ZNF385D: variants seen among roughly 807,000 people sequenced by gnomAD.
ZNF385D encodes zinc finger protein 385D, also known as zinc finger protein 659.
In ZNF385D, 15 loss-of-function variants were observed where a neutral mutation model predicts 35.8. The ratio of observed to expected loss-of-function variants is 0.42; its 90% CI spans 0.28 to 0.64. The LOEUF (loss-of-function observed/expected upper bound fraction) is 0.64, where lower values mean the gene tolerates loss of function less well. Ranked by LOEUF, ZNF385D falls within the 30% of genes least tolerant of loss-of-function variation. The pLI, the probability that ZNF385D is intolerant of heterozygous loss-of-function variation, is 0.23. For missense variants in ZNF385D, 474 were observed against 494.6 expected (o/e 0.96, Z 0.39); for synonymous variants, 212 against 186.8 (o/e 1.13, Z -1.10).
chr3:21,427,901 G>A (rs1251991463), intron 5 of ZNF385D, among the ~76,000 whole-genome samples: 3 of 150,736 alleles, frequency 2.0e-5, no homozygotes, highest in East Asian at 1.9e-4. Flanking sequence ...CACACACACA[G>A]GTATACATAT....
In ZNF385D at chr3:22,371,221, A is replaced by G. The variant is rs537690785; in HGVS notation, c.106+1229T>C. On this transcript the variant is annotated intron_variant, in intron 2 of 5. Transcript: ENST00000494108. ...GGCACGACAACCCAGAGGGAGGAAG[A>G]CCTTTCCAGTAGGTTTTAGAAAACA... Among the ~76,000 whole-genome samples, 74 of 152,176 alleles carry G rather than the reference A, an allele frequency of 4.9e-4. 1 individual carries two copies. Among genetic ancestry groups the G allele is most frequent in the Non-Finnish European group, 9.1e-4 (62 of 68,034 alleles).
chr3:22,194,567 A>C (rs1696278126), intron 2 of ZNF385D, among the ~76,000 whole-genome samples: 1 of 151,916 alleles, frequency 6.6e-6, no homozygotes, highest in African/African-American at 2.4e-5. Flanking sequence ...AAATTCCATA[A>C]ATTTTAACAT....
chr3:22,210,063 C>T (rs1697420047), intron 2 of ZNF385D, among the ~76,000 whole-genome samples: 1 of 151,172 alleles, frequency 6.6e-6, no homozygotes, highest in Admixed American at 6.6e-5. Flanking sequence ...ATAAAAGAAA[C>T]CTATAGGAAA....
chr3:22,284,131 A>C (rs1701905022), intron 2 of ZNF385D, among the ~76,000 whole-genome samples: 1 of 152,136 alleles, frequency 6.6e-6, no homozygotes, highest in Non-Finnish European at 1.5e-5. Flanking sequence ...ACCAATAAAA[A>C]GGAATCAATC....
intron 3 of ZNF385D, among the ~76,000 whole-genome samples, chr3:22,128,213 C>T (rs921521719): frequency 3.3e-5 from 5 of 152,206 alleles, no homozygotes; most frequent in Admixed American, 2.0e-4. Flanking sequence ...GCCACTCCCT[C>T]CTAACCTGTA....
In ZNF385D at chr3:21,901,917, T is replaced by C. The variant is rs113987788; in HGVS notation, c.326-236889A>G. On this transcript the variant is annotated intron_variant, in intron 3 of 5. Coordinates refer to the ZNF385D transcript ENST00000494108. ...AGAGCGTTCAGTCTAGTATTAAAAC[T>C]ACCATGTTTAGTTCCCTTGTTTCCT... is the stretch of plus-strand genomic sequence containing the variant. 5.3e-5 allele frequency among the ~76,000 whole-genome samples: 8 copies of C among 152,260 alleles called. 1 individual carries two copies. Among genetic ancestry groups the C allele is most frequent in the African/African-American group, 1.4e-4 (6 of 41,568 alleles).
intron 3 of ZNF385D, among the ~76,000 whole-genome samples, chr3:22,060,762 G>C (rs1699648126): frequency 6.6e-6 from 1 of 151,980 alleles, no homozygotes; most frequent in African/African-American, 2.4e-5. Context: ...TAGAAAATAA[G>C]AAAGTCTAAT....
chr3:21,582,274 A>AT (rs1355239730), intron 2 of ZNF385D, among the ~76,000 whole-genome samples: 1 of 152,212 alleles, frequency 6.6e-6, no homozygotes, highest in Non-Finnish European at 1.5e-5. Context: ...GGTGGTTGGC[A>AT]TATCACAAGG....
At chr3:21,916,514 T>C (rs185075739) in intron 3 of ZNF385D, among the ~76,000 whole-genome samples, 5 of 152,298 alleles carry the variant, frequency 3.3e-5, no homozygotes, top group Admixed American at 6.5e-5. Flanking sequence ...CATATTTCTA[T>C]ACCCCAAAGT....
chr3:22,345,707 A>T (rs752960868), intron 2 of ZNF385D, among the ~76,000 whole-genome samples: 2 of 152,202 alleles, frequency 1.3e-5, no homozygotes, highest in Non-Finnish European at 2.9e-5. Context: ...TCAGAACTAC[A>T]TGACTTCATC....
chr3:22,138,608 A>G (rs1295871336), intron 3 of ZNF385D, among the ~76,000 whole-genome samples: 11 of 151,646 alleles, frequency 7.3e-5, no homozygotes, highest in Admixed American at 3.3e-4. Flanking sequence ...AAAACTGGCT[A>G]GCTATATGTA....
intron 4 of ZNF385D, among the ~76,000 whole-genome samples, chr3:21,478,017 T>C (rs1704359945): frequency 6.6e-6 from 1 of 152,144 alleles, no homozygotes; most frequent in Non-Finnish European, 1.5e-5. Context: ...AAAATGTCCT[T>C]GGCTTACTTC....
At chr3:21,830,431 C>T (rs1694916979) in intron 3 of ZNF385D, among the ~76,000 whole-genome samples, 1 of 152,170 alleles carries the variant, frequency 6.6e-6, no homozygotes, top group African/African-American at 2.4e-5. Flanking sequence ...TTATATTCCT[C>T]TGGTATAAAA....
At chr3:22,148,091 G>A (rs768614300) in intron 3 of ZNF385D, among the ~76,000 whole-genome samples, 4 of 152,096 alleles carry the variant, frequency 2.6e-5, no homozygotes, top group Non-Finnish European at 4.4e-5. Context: ...ACAACTTTAT[G>A]AGTGGAATTC....
At chr3:22,267,787 T>TC (rs1203381416) in intron 2 of ZNF385D, among the ~76,000 whole-genome samples, 2 of 151,944 alleles carry the variant, frequency 1.3e-5, no homozygotes, top group Non-Finnish European at 2.9e-5. Flanking sequence ...TAAAAGCAAA[T>TC]CAAGCTCTCA....
At position 21,480,130 on chromosome 3, in the gene ZNF385D, T is replaced by A. The variant is rs1008951146; in HGVS notation, c.439+30731A>T. ...TTTTTTTTTTTTTTTGGAGACAGAGTCTTGTTCTGTCACCCAGGCTGGAGT... is the reference window on the plus strand; with the variant it reads ...TTTTTTTTTTTTTTTGGAGACAGAGACTTGTTCTGTCACCCAGGCTGGAGT... On this transcript the variant is annotated intron_variant, in intron 4 of 7. Transcript: ENST00000281523. Among the ~76,000 whole-genome samples, 10 of 134,394 alleles carry A rather than the reference T, an allele frequency of 7.4e-5. No individual in the cohort carries two copies. The South Asian group carries it at 2.3e-3, about 31-fold the overall frequency. 88.2% of individuals were successfully genotyped at this position (134,394 alleles called of 152,430 possible).
intron 3 of ZNF385D, among the ~76,000 whole-genome samples, chr3:21,829,215 T>C (rs187284398): frequency 2.5e-4 from 38 of 152,294 alleles, no homozygotes; most frequent in African/African-American, 8.9e-4. Context: ...ATAAATATTA[T>C]AGAACATTTT....
intron 3 of ZNF385D, among the ~76,000 whole-genome samples, chr3:21,775,946 T>C (rs1252939124): frequency 6.6e-6 from 1 of 151,766 alleles, no homozygotes; most frequent in Non-Finnish European, 1.5e-5. Flanking sequence ...CTTACACAAA[T>C]ACTGCTAATA....
At chr3:22,153,429 C>A (rs1486405777) in intron 3 of ZNF385D, among the ~76,000 whole-genome samples, 2 of 151,250 alleles carry the variant, frequency 1.3e-5, no homozygotes, top group African/African-American at 2.4e-5. Context: ...TGACCCCGTG[C>A]CTGTTTTAAT....
Sources: allele counts gnomAD v4.1 joint callset (sites outside exome capture counted in the v4.1 genomes callset), GRCh38; gene constraint gnomAD v4.1.1; transcripts MANE v1.5; gene names NCBI Gene and HGNC (gene_info 2026-07-23, HGNC 2026-07-21).